Variants in AP3B1 observed in about 807,000 individuals in gnomAD.
The protein encoded by AP3B1 is AP-3 complex subunit beta-1.
AP3B1 carries 61 observed loss-of-function variants against 132.5 expected under a neutral mutation model. That is an observed-to-expected ratio of 0.46 (90% CI 0.37 to 0.57). AP3B1 has a LOEUF of 0.57. AP3B1 is among the 20% of genes least tolerant of loss of function. AP3B1 has a pLI of 0.00. For synonymous variants in AP3B1, 388 were observed against 438.3 expected (o/e 0.89, Z 1.43); for missense variants, 1,120 against 1,289.4 (o/e 0.87, Z 2.01).
intron 1 of AP3B1, among the ~76,000 whole-genome samples, chr5:78,276,090 G>A (rs1748762391): frequency 6.6e-6 from 1 of 150,942 alleles, no homozygotes; most frequent in African/African-American, 2.4e-5. Flanking sequence ...TTTTGAGATA[G>A]GGTCTTGCTC....
At chr5:78,015,831 A>G (rs755409103) in intron 25 of AP3B1, 110 of 375,118 alleles carry the variant, frequency 2.9e-4, no homozygotes, top group Admixed American at 7.5e-4. Flanking sequence ...CATATGAAAT[A>G]TCAATTTCAG....
In AP3B1 at chr5:78,110,143, G is replaced by A. The variant is rs866238630; in HGVS notation, c.2397+64C>T. ...AATCACAGGAGTAGATGAGGATGGTGTTGTCTATTTTAGTTGCTATAAGAA... is the reference window on the plus strand; with the variant it reads ...AATCACAGGAGTAGATGAGGATGGTATTGTCTATTTTAGTTGCTATAAGAA... On this transcript the variant is annotated intron_variant, in intron 20 of 26. Coordinates refer to ENST00000255194, the MANE Select transcript of AP3B1 (RefSeq NM_003664.5). 21 of 1,391,528 alleles carry A rather than the reference G, an allele frequency of 1.5e-5. No homozygotes were observed. In the South Asian group the frequency reaches 2.2e-4, roughly 15 times the overall value. The allele number at this position is 1,391,528 out of a possible 1,614,324, so 86.2% of individuals were successfully genotyped here.
chr5:78,231,900 T>A (rs1176616769), intron 3 of AP3B1, among the ~76,000 whole-genome samples: 2 of 152,216 alleles, frequency 1.3e-5, no homozygotes, highest in Non-Finnish European at 2.9e-5. Flanking sequence ...GGTAAGTAAC[T>A]TGACTAAAGT....
intron 22 of AP3B1, chr5:78,087,553 A>T: frequency 2.0e-6 from 2 of 985,278 alleles, no homozygotes; most frequent in Non-Finnish European, 2.4e-6. Flanking sequence ...TTTTAGCGCT[A>T]CTTGTTTGAT....
At chr5:78,125,949 T>C (rs1367504906) in intron 17 of AP3B1, among the ~76,000 whole-genome samples, 2 of 152,030 alleles carry the variant, frequency 1.3e-5, no homozygotes, top group African/African-American at 4.8e-5. Flanking sequence ...CCAAATTAAA[T>C]TGCATAGCAT....
rs62001050 is a variant in AP3B1 at position 78,110,280 on chromosome 5, A to G, written c.2324T>C (p.Ile775Thr). The G allele has an allele frequency of 1.2e-6, 2 of 1,609,122 alleles. No homozygotes were observed. Among genetic ancestry groups the G allele is most frequent in the South Asian group, 2.2e-5 (2 of 90,384 alleles). The part of the protein sequence containing the change: ...SDSSNDESSS[I>T]EDSSSDSESE... ...TTCAGAATCGGAAGAACTGTCTTCT[A>G]TTGAACTAGATTCGTCATTTGAAGA... Residue 775 changes from isoleucine (I) to threonine (T), a missense_variant, in exon 20 of 27, where the codon ATA (isoleucine) becomes ACA (threonine). Around this residue, in one of 3 missense-constraint regions of AP3B1, gnomAD observed 906 missense variants for 997.1 expected, o/e 0.91. Coordinates refer to ENST00000255194, the MANE Select transcript of AP3B1 (RefSeq NM_003664.5).
intron 2 of AP3B1, among the ~76,000 whole-genome samples, chr5:78,261,148 G>C (rs1052456684): frequency 3.3e-5 from 5 of 152,208 alleles, no homozygotes; most frequent in Non-Finnish European, 4.4e-5. Context: ...GGTGGATTAT[G>C]TGATAATTCC....
intron 7 of AP3B1, among the ~76,000 whole-genome samples, chr5:78,184,303 C>G (rs1744505156): frequency 6.6e-6 from 1 of 151,748 alleles, no homozygotes; most frequent in Admixed American, 6.6e-5. Flanking sequence ...AGGAGGGGGA[C>G]AAAAGAAATA....
intron 8 of AP3B1, among the ~76,000 whole-genome samples, chr5:78,178,062 C>G (rs567209126): frequency 6.6e-6 from 1 of 152,124 alleles, no homozygotes; most frequent in Non-Finnish European, 1.5e-5. Flanking sequence ...ACAGCTAGTA[C>G]GTGGCAAAGC....
chr5:78,043,170 C>T (rs1320845427), intron 22 of AP3B1: 1 of 153,246 alleles, frequency 6.5e-6, no homozygotes, highest in Non-Finnish European at 1.5e-5. Context: ...GTGTAACACT[C>T]TGTCGTCCAG....
chr5:78,010,029 G>A (rs552655403), intron 26 of AP3B1, among the ~76,000 whole-genome samples: 31 of 152,290 alleles, frequency 2.0e-4, no homozygotes, highest in African/African-American at 7.5e-4. Flanking sequence ...CAGGATTTCT[G>A]ACTATGGGTG....
intron 26 of AP3B1, among the ~76,000 whole-genome samples, chr5:78,006,264 A>G (rs1237601193): frequency 2.0e-5 from 3 of 152,200 alleles, no homozygotes; most frequent in Non-Finnish European, 4.4e-5. Flanking sequence ...TCTGAACCCA[A>G]GCATTCTGAT....
At chr5:78,108,893 G>A (rs1751455525) in intron 20 of AP3B1, among the ~76,000 whole-genome samples, 1 of 151,950 alleles carries the variant, frequency 6.6e-6, no homozygotes, top group Admixed American at 6.5e-5. Flanking sequence ...TTTTTCAACT[G>A]TTACAAAATT....
intron 25 of AP3B1, among the ~76,000 whole-genome samples, chr5:78,017,675 A>G (rs551123085): frequency 6.6e-6 from 1 of 152,208 alleles, no homozygotes; most frequent in East Asian, 1.9e-4. Context: ...AAATGAAACT[A>G]TATCAGGTAT....
chr5:78,080,077 T>C (rs1482719014), intron 22 of AP3B1, among the ~76,000 whole-genome samples: 2 of 152,186 alleles, frequency 1.3e-5, no homozygotes, highest in Admixed American at 6.5e-5. Context: ...GGTGCGATCC[T>C]GGCTCTTGAC....
In AP3B1 at chr5:78,278,425, C is replaced by T. The variant is rs1402660535; in HGVS notation, c.129-10830G>A. ...CCATCCCGGCTAAAACGGTGAAACC[C>T]CGTCTCTACTAAAAATACAAAAAAT... On this transcript the variant is annotated intron_variant, in intron 1 of 26. Transcript: ENST00000255194. Among the ~76,000 whole-genome samples, 3 of 92,338 alleles carry T rather than the reference C, an allele frequency of 3.2e-5. 1 individual carries two copies. Among genetic ancestry groups the T allele is most frequent in the Non-Finnish European group, 8.6e-5 (3 of 34,762 alleles). The allele number at this position is 92,338 out of a possible 152,430, so 60.6% of individuals were successfully genotyped here.
chr5:78,121,525 C>A (rs1752194739), intron 17 of AP3B1, among the ~76,000 whole-genome samples: 1 of 152,152 alleles, frequency 6.6e-6, no homozygotes, highest in Non-Finnish European at 1.5e-5. Flanking sequence ...CACCACTGAT[C>A]CCACAGAAAT....
intron 7 of AP3B1, among the ~76,000 whole-genome samples, chr5:78,206,090 A>T (rs1745494932): frequency 6.6e-6 from 1 of 152,194 alleles, no homozygotes; most frequent in Non-Finnish European, 1.5e-5. Context: ...AACAAATTTT[A>T]AAAATTGGAA....
At chr5:78,180,624 T>C (rs889663367) in intron 8 of AP3B1, among the ~76,000 whole-genome samples, 1 of 151,720 alleles carries the variant, frequency 6.6e-6, no homozygotes, top group Non-Finnish European at 1.5e-5. Context: ...TTAAATGAAA[T>C]GAAATTTTAT....
Sources: gnomAD v4.1 joint callset for allele counts (sites outside exome capture counted in the v4.1 genomes callset) on GRCh38, gnomAD v4.1.1 for gene constraint, gnomAD v4.1.1 regional missense constraint, MANE v1.5 for transcripts, NCBI Gene and HGNC (gene_info 2026-07-23, HGNC 2026-07-21) for gene names.